ANKRD26: variants seen among roughly 807,000 people sequenced by gnomAD.
The protein encoded by ANKRD26 is ankyrin repeat domain 26, also known as ankyrin repeat domain-containing protein 26.
Under a neutral mutation model 208.7 loss-of-function variants are expected in ANKRD26, and 141 were observed. That is an observed-to-expected ratio of 0.68 (90% CI 0.59 to 0.78). The LOEUF is 0.78. ANKRD26 is among the 30% of genes least tolerant of loss of function. The pLI is 0.00. For synonymous variants in ANKRD26, 636 were observed against 660.4 expected, an observed-to-expected ratio of 0.96 and a Z score of 0.57; for missense variants, 1,889 against 1,938.7, an observed-to-expected ratio of 0.97 and a Z score of 0.48.
chr10:27,061,277 T>C (rs2055045708), intron 12 of ANKRD26, 35 bp from the exon 13 acceptor site: 1 of 1,391,838 alleles, frequency 7.2e-7, no homozygotes, highest in African/African-American at 1.4e-5. Context: ...TTCAATATTG[T>C]AATATTTATC....
chr10:26,958,028 G>A, the ANKRD26 span, among the ~76,000 whole-genome samples: 3 of 151,446 alleles, frequency 2.0e-5, no homozygotes, highest in Non-Finnish European at 4.4e-5. Context: ...ATAGGTAAAT[G>A]TGTGCCATGG....
At chr10:27,021,406 A>G (rs1238413531) in intron 29 of ANKRD26, among the ~76,000 whole-genome samples, 2 of 152,160 alleles carry the variant, frequency 1.3e-5, no homozygotes, top group Non-Finnish European at 2.9e-5. Flanking sequence ...ATTCCCACCA[A>G]CAATGTCTAA....
intron 32 of ANKRD26, among the ~76,000 whole-genome samples, chr10:27,008,277 T>G (rs1282544690): frequency 6.6e-6 from 1 of 151,940 alleles, no homozygotes; most frequent in Non-Finnish European, 1.5e-5. Context: ...GACTAACAGG[T>G]TTTCCAATAT....
At chr10:26,983,903 AC>A (rs1426424761) in intron 3 of ANKRD26, among the ~76,000 whole-genome samples, 1 of 152,130 alleles carries the variant, frequency 6.6e-6, no homozygotes, top group Non-Finnish European at 1.5e-5. Flanking sequence ...GCTAGTCCTG[AC>A]CTCAGAAGGG....
chr10:27,048,834 T>G lies in ANKRD26; in HGVS notation c.1781A>C (p.Gln594Pro), dbSNP rs747031290. 1 of 1,613,314 alleles carries G rather than the reference T, an allele frequency of 6.2e-7. No homozygotes were observed. Among genetic ancestry groups the G allele is most frequent in the Admixed American group, 1.7e-5 (1 of 59,990 alleles). The change falls in exon 17 of 34, where the codon CAA becomes CCA. Residue 594 changes from glutamine to proline, a missense_variant. Coordinates refer to ENST00000376087, the MANE Select transcript of ANKRD26 (RefSeq NM_014915.3). ...KRKSGETDHQ[Q>P]FPRKENKEYA... is the part of the protein sequence containing the mutation. ...CTCTTTATTTTCCTTCCTGGGAAAT[T>G]GCTGATGATCAGTTTCTCCACTCTT...
intron 4 of ANKRD26, among the ~76,000 whole-genome samples, chr10:27,090,505 T>C (rs2056265737): frequency 6.6e-6 from 1 of 152,180 alleles, no homozygotes; most frequent in South Asian, 2.1e-4. Flanking sequence ...CTTGCCTGTC[T>C]GTGTAGAATT....
the ANKRD26 span, among the ~76,000 whole-genome samples, chr10:26,966,306 A>C: frequency 6.6e-6 from 1 of 152,250 alleles, no homozygotes; most frequent in Non-Finnish European, 1.5e-5. Context: ...CAGCCATAAA[A>C]AGGAATGAGA....
chr10:26,989,092 AT>A (rs983246680), downstream of ANKRD26, among the ~76,000 whole-genome samples: 32 of 150,932 alleles, frequency 2.1e-4, no homozygotes, highest in African/African-American at 4.4e-4. Context: ...CGGGCAAGAT[AT>A]TTTTTTTTCT....
In ANKRD26 at chr10:27,066,592, A is replaced by C. The variant is rs980884452; in HGVS notation, c.1208-44T>G. On this transcript the variant is annotated intron_variant, in intron 10 of 33. Coordinates refer to ENST00000376087, the MANE Select transcript of ANKRD26 (RefSeq NM_014915.3). ...AGATATATTCATGAGAACATTTACT[A>C]TTGTAAATTTTAAATACATAATTAA... 8 of 1,354,212 alleles carry C rather than the reference A, an allele frequency of 5.9e-6. No homozygotes were observed. The East Asian group carries it at 1.9e-4, about 31-fold the overall frequency. 83.9% of individuals were successfully genotyped at this position (1,354,212 alleles called of 1,614,324 possible). A position where few individuals can be genotyped will look rare whatever the true frequency, so the allele number is the denominator to read the frequency against.
intron 15 of ANKRD26, among the ~76,000 whole-genome samples, chr10:27,058,415 T>G (rs998864598): frequency 5.8e-4 from 88 of 152,324 alleles, no homozygotes; most frequent in Middle Eastern, 3.4e-3. Context: ...GGTTCATGGG[T>G]CATAGCTCTA....
At chr10:26,962,806 T>C in the ANKRD26 span, among the ~76,000 whole-genome samples, 2 of 152,076 alleles carry the variant, frequency 1.3e-5, no homozygotes, top group African/African-American at 4.8e-5. Flanking sequence ...GATAAATCGC[T>C]TGGCTGGAGC....
Position 27,089,460 on chromosome 10 carries a change from C to G in ANKRD26, c.639-2851G>C, listed in dbSNP as rs184032966. Among the ~76,000 whole-genome samples, 12 of 152,226 alleles carry G rather than the reference C, an allele frequency of 7.9e-5. No homozygotes were observed. In the East Asian group the frequency reaches 2.1e-3, roughly 27 times the overall value. ...GGAATGAAATGAATGATATTGGGAC[C>G]CCTATGGATTAAGTTCGTAAAAGTC... On this transcript the variant is annotated intron_variant, in intron 4 of 33. Transcript: ENST00000376087.
intron 3 of ANKRD26, among the ~76,000 whole-genome samples, chr10:27,093,079 A>G (rs1564435879): frequency 6.6e-6 from 1 of 151,298 alleles, no homozygotes; most frequent in East Asian, 1.9e-4. Context: ...ACAGAGCAAG[A>G]CTCTGTCTCA....
intron 1 of ANKRD26, 29 bp downstream of exon 1, chr10:27,100,056 A>AC: frequency 1.2e-6 from 2 of 1,612,912 alleles, no homozygotes; most frequent in Non-Finnish European, 8.5e-7. Context: ...CTCCAGTGGC[A>AC]CTCAGTCCGG....
rs143380811 is a variant in ANKRD26 at position 27,072,684 on chromosome 10, C to A, written c.1077+4654G>T. ...ACTCAACAAGCACAGCCCATCACAA[C>A]GTCTGCAAGCACAATGACACAGCAC... On this transcript the variant is annotated intron_variant, in intron 9 of 33. Transcript: ENST00000376087. 1.8e-4 allele frequency among the ~76,000 whole-genome samples: 27 copies of A among 152,314 alleles called. No homozygotes were observed. In the East Asian group the frequency reaches 4.4e-3, roughly 25 times the overall value.
chr10:27,039,083 G>A (rs2135233860), intron 21 of ANKRD26, among the ~76,000 whole-genome samples: 1 of 152,268 alleles, frequency 6.6e-6, no homozygotes, highest in Middle Eastern at 3.4e-3. Context: ...AATTTTATCT[G>A]TGTATTAGAG....
chr10:27,064,163 T>C, intron 11 of ANKRD26, 82 bp from the exon 12 acceptor site: 2 of 1,049,580 alleles, frequency 1.9e-6, no homozygotes, highest in Non-Finnish European at 2.8e-6. Flanking sequence ...CTTTCAAATA[T>C]AATATGAATT....
chr10:26,982,211 A>G (rs1305507807), intron 4 of ANKRD26, among the ~76,000 whole-genome samples: 1 of 152,182 alleles, frequency 6.6e-6, no homozygotes, highest in African/African-American at 2.4e-5. Context: ...ATTCAAGAGA[A>G]CTGTTTTAGG....
downstream of ANKRD26, among the ~76,000 whole-genome samples, chr10:26,972,886 G>A (rs971804077): frequency 5.5e-4 from 83 of 152,032 alleles, no homozygotes; most frequent in African/African-American, 2.0e-3. Context: ...CACCATACCC[G>A]GCTGAGGTTA....
Sources: allele counts gnomAD v4.1 joint callset (sites outside exome capture counted in the v4.1 genomes callset), GRCh38; gene constraint gnomAD v4.1.1; transcripts MANE v1.5; gene names NCBI Gene and HGNC (gene_info 2026-07-23, HGNC 2026-07-21).